Variants in LYST observed in about 807,000 individuals in gnomAD.
The protein encoded by LYST is lysosomal trafficking regulator.
In LYST, 192 loss-of-function variants were observed where a neutral mutation model predicts 413.6. That is an observed-to-expected ratio of 0.46 (90% CI 0.41 to 0.52). The LOEUF (loss-of-function observed/expected upper bound fraction) is 0.52. Among genes scored for constraint, LYST ranks in the 20% least tolerant of loss-of-function variants. LYST has a pLI of 0.00. For synonymous variants in LYST, 1,525 were observed against 1,567.3 expected (o/e 0.97, Z 0.64); for missense variants, 3,815 against 4,499.9 (o/e 0.85, Z 4.35).
chr1:235,738,860 C>T lies in LYST; in HGVS notation c.8358+2562G>A, dbSNP rs1572111291. 4 of 761,468 alleles carry T rather than the reference C, an allele frequency of 5.3e-6. No individual in the cohort carries two copies. In the East Asian group the frequency reaches 9.8e-5, roughly 19 times the overall value. 47.2% of individuals were successfully genotyped at this position (761,468 alleles called of 1,614,324 possible). A position where few individuals can be genotyped will look rare whatever the true frequency, so the allele number is the denominator to read the frequency against. On this transcript the variant is annotated intron_variant, in intron 31 of 52. Transcript: ENST00000389793. ...GAATAAAGGATGATGTCTTCCTTAG[C>T]ATTCCTTGCATCTTGGGAGAGAATG...
In LYST at chr1:235,733,874, C is replaced by T. The variant is rs1295403980; in HGVS notation, c.8568G>A (p.Val2856=). ...CTGTTTTCTGCCAAGCAGCTTTATT[C>T]ACTCCTTCTTCAGTTTCATATTTCT... ...EQKKYETEEG[V]NKAAWQKTVN... The change falls in exon 33 of 53, where the codon GTG becomes GTA. Residue 2856 remains valine (V), a synonymous_variant. Transcript: ENST00000389793. 1 of 1,597,664 alleles carries T rather than the reference C, an allele frequency of 6.3e-7. No homozygotes were observed. The highest frequency in any genetic ancestry group is 1.1e-5 in the South Asian group (1 of 90,704).
chr1:235,877,596 A>T (rs6677987), intron 1 of LYST, among the ~76,000 whole-genome samples: 6 of 151,958 alleles, frequency 3.9e-5, no homozygotes, highest in African/African-American at 1.5e-4. Context: ...AGTAGACATG[A>T]GGTTTCTCCA....
chr1:235,830,394 C>T lies in LYST; in HGVS notation c.24G>A (p.Leu8=). The change falls in exon 3 of 53, where the codon CTG becomes CTA. Residue 8 remains leucine (L), a synonymous_variant. Transcript: ENST00000389793. ...TGACATCGGTCAGAAATTCACGTGC[C>T]AGTGAGTTACTGTCGGTGCTCATGA... MSTDSNS[L]AREFLTDVNR... The T allele has an allele frequency of 6.2e-7, 1 of 1,612,894 alleles. No individual in the cohort carries two copies. The highest frequency in any genetic ancestry group is 8.5e-7 in the Non-Finnish European group (1 of 1,179,490).
At chr1:235,683,155 C>CT (rs1348130626) in intron 48 of LYST, among the ~76,000 whole-genome samples, 1 of 152,228 alleles carries the variant, frequency 6.6e-6, no homozygotes, top group Non-Finnish European at 1.5e-5. Flanking sequence ...TTTTAATAAA[C>CT]TCTGCACTTT....
Position 235,800,360 on chromosome 1 carries a change from C to G in LYST, c.3966G>C (p.Gly1322=), listed in dbSNP as rs996844844. Residue 1322 remains glycine, a synonymous_variant, in exon 10 of 53, where the codon GGG becomes GGC. Coordinates refer to ENST00000389793, the MANE Select transcript of LYST (RefSeq NM_000081.4). The stretch of plus-strand genomic sequence containing the variant: ...CATCCTGTGTTAAAATACTCAAGAA[C>G]CCTCCTAAAAGATTTTTCACAGTTC... ...QQGTVKNLLG[G]FLSILTQDDS... The G allele has an allele frequency of 5.0e-6, 8 of 1,595,282 alleles. No homozygotes were observed. Among genetic ancestry groups the G allele is most frequent in the Non-Finnish European group, 4.3e-6 (5 of 1,163,334 alleles).
chr1:235,684,309 G>C (rs964648946), intron 48 of LYST, among the ~76,000 whole-genome samples: 1 of 152,062 alleles, frequency 6.6e-6, no homozygotes, highest in African/African-American at 2.4e-5. Context: ...CTAAGAACAA[G>C]GCTGTTCAAA....
At chr1:235,866,443 T>C (rs577984667) in intron 1 of LYST, among the ~76,000 whole-genome samples, 3 of 152,046 alleles carry the variant, frequency 2.0e-5, no homozygotes, top group East Asian at 1.9e-4. Flanking sequence ...CTGGGCTGAG[T>C]AGTGCAGCGG....
intron 46 of LYST, among the ~76,000 whole-genome samples, chr1:235,693,831 T>C (rs1660866235): frequency 6.6e-6 from 1 of 152,074 alleles, no homozygotes; most frequent in Non-Finnish European, 1.5e-5. Context: ...AAATATGAAC[T>C]AGATACTATT....
intron 11 of LYST, among the ~76,000 whole-genome samples, chr1:235,792,428 C>T (rs962271345): frequency 6.6e-6 from 1 of 151,908 alleles, no homozygotes; most frequent in Non-Finnish European, 1.5e-5. Flanking sequence ...GATTCTCCTG[C>T]CTCAGCCTCT....
chr1:235,835,107 G>A (rs1026930752), intron 1 of LYST, among the ~76,000 whole-genome samples: 1 of 151,328 alleles, frequency 6.6e-6, no homozygotes, highest in South Asian at 2.1e-4. Flanking sequence ...TAATGGGGGG[G>A]GGTTTCGCCA....
At chr1:235,748,268 T>C (rs1666117508) in intron 28 of LYST, among the ~76,000 whole-genome samples, 1 of 152,172 alleles carries the variant, frequency 6.6e-6, no homozygotes, top group African/African-American at 2.4e-5. Flanking sequence ...TAATGCTGAC[T>C]ACTTCTACCT....
At chr1:235,750,288 T>C (rs779287699) in intron 28 of LYST, among the ~76,000 whole-genome samples, 6 of 152,198 alleles carry the variant, frequency 3.9e-5, no homozygotes, top group Non-Finnish European at 7.3e-5. Context: ...TTTAGTTACA[T>C]AGATGTTTTA....
intron 3 of LYST, among the ~76,000 whole-genome samples, chr1:235,817,670 C>T (rs1271924801): frequency 6.6e-6 from 1 of 152,062 alleles, no homozygotes; most frequent in Non-Finnish European, 1.5e-5. Context: ...ACCTTGGGTA[C>T]ACATGGACAC....
At chr1:235,693,699 T>C (rs1434888659) in intron 46 of LYST, among the ~76,000 whole-genome samples, 1 of 152,230 alleles carries the variant, frequency 6.6e-6, no homozygotes, top group Non-Finnish European at 1.5e-5. Flanking sequence ...TTTTCACTTG[T>C]GTTGTTTTGA....
At chr1:235,872,464 C>T (rs1040695840) in intron 1 of LYST, among the ~76,000 whole-genome samples, 1 of 152,002 alleles carries the variant, frequency 6.6e-6, no homozygotes, top group Admixed American at 6.6e-5. Flanking sequence ...GGTAATAGAC[C>T]GAGGGGGGAT....
chr1:235,765,220 G>A (rs1332012105), intron 21 of LYST, among the ~76,000 whole-genome samples: 1 of 152,002 alleles, frequency 6.6e-6, no homozygotes, highest in African/African-American at 2.4e-5. Flanking sequence ...TACAACCAAA[G>A]CCATTATCCT....
intron 1 of LYST, among the ~76,000 whole-genome samples, chr1:235,882,100 A>ACACACACACACACACACACG (rs1681404929): frequency 6.6e-6 from 1 of 151,924 alleles, no homozygotes; most frequent in African/African-American, 2.4e-5. Context: ...ACACACACAC[A>ACACACACACACACACACACG]CACACACAAA....
At chr1:235,783,420 A>T (rs1313849041) in intron 14 of LYST, among the ~76,000 whole-genome samples, 1 of 152,170 alleles carries the variant, frequency 6.6e-6, no homozygotes, top group Middle Eastern at 3.2e-3. Flanking sequence ...TTTAAAAAAT[A>T]GTTTTTCAAT....
chr1:235,800,987 C>T lies in LYST; in HGVS notation c.3823G>A (p.Glu1275Lys), dbSNP rs972502347. 2 of 1,613,526 alleles carry T rather than the reference C, an allele frequency of 1.2e-6. No homozygotes were observed. The highest frequency in any genetic ancestry group is 1.7e-6 in the Non-Finnish European group (2 of 1,179,572). The change falls in exon 9 of 53, where the codon GAA becomes AAA. Residue 1275 changes from glutamate (E) to lysine (K), a missense_variant. This residue lies in a region of LYST where 1,648 missense variants were observed against 1,810.3 expected (regional missense o/e 0.91). Transcript: ENST00000389793. ...EIIYPEICMLELNLLSASKAK... is the reference protein window; with the variant it reads ...EIIYPEICMLKLNLLSASKAK... ...TTACTAGCAGAAAGCAAATTTAATT[C>T]CAGCATACAAATCTCAGGATAAATT...
Sources: allele counts gnomAD v4.1 joint callset (sites outside exome capture counted in the v4.1 genomes callset), GRCh38; gene constraint gnomAD v4.1.1; regional missense constraint gnomAD v4.1.1; transcripts MANE v1.5; gene names NCBI Gene and HGNC (gene_info 2026-07-23, HGNC 2026-07-21).